WNT2: variants seen among roughly 807,000 people sequenced by gnomAD.
The protein encoded by WNT2 is Wnt family member 2.
Under a neutral mutation model 36.9 loss-of-function variants are expected in WNT2, and 12 were observed. That is an observed-to-expected ratio of 0.33 (90% CI 0.21 to 0.53). The LOEUF is 0.53. Among genes scored for constraint, WNT2 ranks in the 20% least tolerant of loss-of-function variants. The pLI, the probability that WNT2 is intolerant of heterozygous loss-of-function variation, is 0.95. For synonymous variants in WNT2, 163 were observed against 174.6 expected, an observed-to-expected ratio of 0.93 and a Z score of 0.52; for missense variants, 379 against 473.1, an observed-to-expected ratio of 0.80 and a Z score of 1.84.
rs76213441 is a variant in WNT2 at position 117,278,007 on chromosome 7, C to T, written c.*148G>A. On this transcript the variant is annotated 3_prime_UTR_variant, in exon 5 of 5. Transcript: ENST00000265441. Reference sequence around the variant, plus strand: ...AGCGTGTGGCCCCCCCATCCTGGGGCCCCCAGGGAGGAAGAGGGGGCTTCC... The same window carrying T: ...AGCGTGTGGCCCCCCCATCCTGGGGTCCCCAGGGAGGAAGAGGGGGCTTCC... 20 of 860,432 alleles carry T rather than the reference C, an allele frequency of 2.3e-5. No individual in the cohort carries two copies. The Admixed American group carries it at 4.9e-4, about 21-fold the overall frequency. The allele number at this position is 860,432 out of a possible 1,614,324, so 53.3% of individuals were successfully genotyped here.
chr7:117,286,597 G>A (rs1794584340), intron 4 of WNT2, among the ~76,000 whole-genome samples: 1 of 152,124 alleles, frequency 6.6e-6, no homozygotes, highest in Non-Finnish European at 1.5e-5. Flanking sequence ...ACTTAAGCCT[G>A]TCATCCAATA....
Position 117,320,626 on chromosome 7 carries a change from C to A in WNT2, c.251G>T (p.Arg84Leu). ...AECQHQFRQHRWNCNTLDRDH... is the reference protein window; with the variant it reads ...AECQHQFRQHLWNCNTLDRDH... ...CCTGTCCAGGGTGTTGCAATTCCAG[C>A]GGTGCTGGCGGAACTGGTGCTGGCA... The change falls in exon 2 of 5, where the codon CGC becomes CTC. Residue 84 changes from arginine (R) to leucine (L), a missense_variant. Physicochemically the swap from Arg to Leu is moderately radical, Grantham distance 102. Transcript: ENST00000265441. The A allele has an allele frequency of 6.2e-7, 1 of 1,613,918 alleles. No homozygotes were observed. The highest frequency in any genetic ancestry group is 2.2e-5 in the East Asian group (1 of 44,868).
At chr7:117,312,351 T>C (rs1369093599) in intron 3 of WNT2, among the ~76,000 whole-genome samples, 2 of 152,150 alleles carry the variant, frequency 1.3e-5, no homozygotes, top group African/African-American at 4.8e-5. Context: ...CTGGCTAATT[T>C]TTTATATTTT....
intron 4 of WNT2, among the ~76,000 whole-genome samples, chr7:117,297,410 T>C (rs1794812568): frequency 6.6e-6 from 1 of 152,098 alleles, no homozygotes; most frequent in Non-Finnish European, 1.5e-5. Flanking sequence ...GCTCAAGCAA[T>C]CTGCCCATTT....
chr7:117,290,713 G>A (rs1384477487), intron 4 of WNT2, among the ~76,000 whole-genome samples: 1 of 152,194 alleles, frequency 6.6e-6, no homozygotes, highest in African/African-American at 2.4e-5. Context: ...CCAGTGTGAG[G>A]GTTCTCCAGC....
chr7:117,278,657 C>T (rs916488888), intron 4 of WNT2, among the ~76,000 whole-genome samples: 2 of 152,214 alleles, frequency 1.3e-5, no homozygotes, highest in Admixed American at 1.3e-4. Context: ...CCAGCTCTCC[C>T]ACTTCTGAGT....
intron 4 of WNT2, among the ~76,000 whole-genome samples, chr7:117,280,471 T>C (rs528576999): frequency 6.6e-6 from 1 of 152,300 alleles, no homozygotes; most frequent in South Asian, 2.1e-4. Context: ...GAACCCTCTA[T>C]ATGGCGCAGA....
chr7:117,300,429 C>T (rs996562072), intron 3 of WNT2, among the ~76,000 whole-genome samples: 1 of 152,152 alleles, frequency 6.6e-6, no homozygotes, highest in African/African-American at 2.4e-5. Flanking sequence ...TTTTGATCCA[C>T]CTGCCTCAGC....
At chr7:117,278,473 G>C (rs1794422135) in intron 4 of WNT2, 89 bp from the exon 5 acceptor site, 1 of 1,287,534 alleles carries the variant, frequency 7.8e-7, no homozygotes, top group Non-Finnish European at 1.1e-6. Context: ...CCATCCTCCA[G>C]GACAGAGCCC....
intron 3 of WNT2, among the ~76,000 whole-genome samples, chr7:117,299,382 C>T (rs1014365615): frequency 3.3e-5 from 5 of 152,176 alleles, no homozygotes; most frequent in Admixed American, 2.0e-4. Flanking sequence ...AATATGAATG[C>T]TCATTCTTCC....
Position 117,322,954 on chromosome 7 carries a change from G to C in WNT2, c.36C>G (p.Leu12=). 2 of 1,612,534 alleles carry C rather than the reference G, an allele frequency of 1.2e-6. No individual in the cohort carries two copies. The highest frequency in any genetic ancestry group is 8.5e-7 in the Non-Finnish European group (1 of 1,179,494). The change falls in exon 1 of 5, where the codon CTC becomes CTG. Residue 12 remains leucine (L), a synonymous_variant. Coordinates refer to ENST00000265441, the MANE Select transcript of WNT2 (RefSeq NM_003391.3). This position sits in a 1 kb window ranked among gnomAD's most constrained non-coding sequence, Gnocchi z 5.4. ...GGGTGAGCCAGGTCAAGAGCAGAGG[G>C]AGCCAGAGCCAGATTCCACCGAGAG... The part of the protein sequence containing the change: ...NAPLGGIWLW[L]PLLLTWLTPE...
intron 4 of WNT2, among the ~76,000 whole-genome samples, chr7:117,295,946 A>G (rs1017132468): frequency 6.6e-6 from 1 of 152,184 alleles, no homozygotes; most frequent in Non-Finnish European, 1.5e-5. Flanking sequence ...GTTTCAATGT[A>G]TTGCTGTCAT....
At chr7:117,297,333 C>T (rs1317074241) in intron 4 of WNT2, among the ~76,000 whole-genome samples, 2 of 152,148 alleles carry the variant, frequency 1.3e-5, no homozygotes, top group African/African-American at 4.8e-5. Context: ...TGCGCACCAC[C>T]ATGCCCAGCT....
rs890683493 is a variant in WNT2 at position 117,284,258 on chromosome 7, T to G, written c.854-5874A>C. Reference sequence around the variant, plus strand: ...TTAATGAATTACAATAAAGACTCATTATTATCAATAGCAGTAGGGCCATAC... The same window carrying G: ...TTAATGAATTACAATAAAGACTCATGATTATCAATAGCAGTAGGGCCATAC... On this transcript the variant is annotated intron_variant, in intron 4 of 4. Transcript: ENST00000265441. This position sits in a 1 kb window ranked among gnomAD's most constrained non-coding sequence, Gnocchi z 5.2. Among the ~76,000 whole-genome samples, 3 of 152,190 alleles carry G rather than the reference T, an allele frequency of 2.0e-5. No homozygotes were observed. The highest frequency in any genetic ancestry group is 7.2e-5 in the African/African-American group (3 of 41,448).
intron 4 of WNT2, among the ~76,000 whole-genome samples, chr7:117,280,860 G>T (rs1422252912): frequency 6.6e-6 from 1 of 152,200 alleles, no homozygotes; most frequent in Non-Finnish European, 1.5e-5. Flanking sequence ...TTTATTGAGT[G>T]ACTACTATGT....
intron 4 of WNT2, among the ~76,000 whole-genome samples, chr7:117,294,990 C>A (rs553286654): frequency 6.6e-6 from 1 of 152,294 alleles, no homozygotes; most frequent in South Asian, 2.1e-4. Context: ...ACTTGGGAGG[C>A]TGAGGCAGGA....
At chr7:117,291,037 G>A (rs903344915) in intron 4 of WNT2, among the ~76,000 whole-genome samples, 5 of 151,946 alleles carry the variant, frequency 3.3e-5, no homozygotes, top group Admixed American at 6.6e-5. Context: ...ACACAATCCC[G>A]GCATTCATGA....
intron 3 of WNT2, among the ~76,000 whole-genome samples, chr7:117,313,050 G>T (rs938447389): frequency 6.6e-6 from 1 of 152,220 alleles, no homozygotes; most frequent in Non-Finnish European, 1.5e-5. Flanking sequence ...GTTACCGTCA[G>T]CCCTGGGAGG....
chr7:117,288,912 A>G (rs191821204), intron 4 of WNT2, among the ~76,000 whole-genome samples: 67 of 152,272 alleles, frequency 4.4e-4, no homozygotes, highest in African/African-American at 1.5e-3. Context: ...TTTGCTGTTA[A>G]TATGAGAATT....
Sources: allele counts gnomAD v4.1 joint callset (sites outside exome capture counted in the v4.1 genomes callset), GRCh38; gene constraint gnomAD v4.1.1; non-coding constraint Gnocchi (gnomAD v3.1); transcripts MANE v1.5; gene names NCBI Gene and HGNC (gene_info 2026-07-23, HGNC 2026-07-21).